Variants in SLF1 observed in about 807,000 individuals in gnomAD.
The protein encoded by SLF1 is SMC5/6 complex localization factor 1, also known as SMC5-SMC6 complex localization factor protein 1.
Under a neutral mutation model 123.0 loss-of-function variants are expected in SLF1, and 105 were observed. The observed-to-expected ratio is 0.85, with a 90% CI of 0.73 to 1.00. The LOEUF (loss-of-function observed/expected upper bound fraction) is 1.00. Among genes scored for constraint, SLF1 ranks in the 50% least tolerant of loss-of-function variants. The pLI is 0.00. For missense variants in SLF1, 1,239 were observed against 1,223.0 expected (o/e 1.01, Z -0.20); for synonymous variants, 434 against 406.6 (o/e 1.07, Z -0.81).
chr5:94,625,600 C>G (rs1792167093), intron 1 of SLF1, among the ~76,000 whole-genome samples: 1 of 152,002 alleles, frequency 6.6e-6, no homozygotes, highest in South Asian at 2.1e-4. Context: ...CCAGGCTGGT[C>G]TCGAACTCCT....
intron 9 of SLF1, among the ~76,000 whole-genome samples, chr5:94,655,178 T>C (rs1748229466): frequency 6.6e-6 from 1 of 152,204 alleles, no homozygotes; most frequent in Admixed American, 6.5e-5. Flanking sequence ...CCCAACATCA[T>C]TTATTGAAGA....
intron 20 of SLF1, among the ~76,000 whole-genome samples, chr5:94,693,411 T>G (rs995225286): frequency 2.0e-5 from 3 of 152,094 alleles, no homozygotes; most frequent in African/African-American, 7.2e-5. Flanking sequence ...GGAGCCATTA[T>G]TGTATTAGGT....
At chr5:94,676,438 G>A (rs901509454) in intron 14 of SLF1, among the ~76,000 whole-genome samples, 1 of 152,164 alleles carries the variant, frequency 6.6e-6, no homozygotes, top group African/African-American at 2.4e-5. Flanking sequence ...GGTTTCCCAT[G>A]CCATATAGCC....
chr5:94,630,664 A>T lies in SLF1; in HGVS notation c.352A>T (p.Thr118Ser). ...PKRWREELKR[T>S]GAPGAFHRWK... ...AAGATGGCGTGAAGAACTGAAACGC[A>T]CTGGTGCTCCAGGAGCCTTCCACAG... is the stretch of plus-strand genomic sequence containing the variant. The change falls in exon 4 of 21, where the codon ACT becomes TCT. Residue 118 changes from threonine to serine, a missense_variant. Coordinates refer to ENST00000265140, the MANE Select transcript of SLF1 (RefSeq NM_032290.4). 6.4e-7 allele frequency: 1 copy of T among 1,551,628 alleles called. No homozygotes were observed. Among genetic ancestry groups the T allele is most frequent in the East Asian group, 2.4e-5 (1 of 40,928 alleles).
intron 4 of SLF1, among the ~76,000 whole-genome samples, chr5:94,640,516 G>A (rs1314360401): frequency 6.6e-6 from 1 of 152,036 alleles, no homozygotes; most frequent in Non-Finnish European, 1.5e-5. Context: ...CTGAGCTTGT[G>A]TATGTGGAGT....
In SLF1 at chr5:94,696,360, A is replaced by G. The variant is rs1005594282; in HGVS notation, c.*1048A>G. On this transcript the variant is annotated 3_prime_UTR_variant, in exon 21 of 21. Coordinates refer to ENST00000265140, the MANE Select transcript of SLF1 (RefSeq NM_032290.4). Reference sequence around the variant, plus strand: ...TATTTTGGAAATAGATATTTTAACAAGATACAAATGCTCAGTATCATATTA... The same window carrying G: ...TATTTTGGAAATAGATATTTTAACAGGATACAAATGCTCAGTATCATATTA... 6.6e-6 allele frequency: 1 copy of G among 151,698 alleles called. No homozygotes were observed. The highest frequency in any genetic ancestry group is 2.4e-5 in the African/African-American group (1 of 41,258). The allele number at this position is 151,698 out of a possible 1,614,324, so 9.4% of individuals were successfully genotyped here.
intron 4 of SLF1, among the ~76,000 whole-genome samples, chr5:94,641,384 CT>C (rs1406544556): frequency 6.6e-6 from 1 of 152,156 alleles, no homozygotes; most frequent in Non-Finnish European, 1.5e-5. Context: ...TCATCAGATG[CT>C]CTTGGAGTTC....
chr5:94,675,932 T>C (rs1458506182), intron 14 of SLF1, among the ~76,000 whole-genome samples: 1 of 148,516 alleles, frequency 6.7e-6, no homozygotes, highest in Admixed American at 6.7e-5. Flanking sequence ...TTTTTAAATG[T>C]TGTTTTTGGT....
intron 15 of SLF1, among the ~76,000 whole-genome samples, chr5:94,685,944 G>A (rs1298005992): frequency 6.6e-6 from 1 of 151,664 alleles, no homozygotes; most frequent in Admixed American, 6.6e-5. Flanking sequence ...ACATGCTCCT[G>A]TTTCATGTTT....
chr5:94,678,275 G>T (rs1396864642), intron 14 of SLF1: 2 of 152,126 alleles, frequency 1.3e-5, no homozygotes, highest in Non-Finnish European at 2.9e-5. Flanking sequence ...ATTAGTATTT[G>T]ATATATAATT....
At chr5:94,672,284 T>C (rs951958207) in intron 14 of SLF1, among the ~76,000 whole-genome samples, 2 of 152,172 alleles carry the variant, frequency 1.3e-5, no homozygotes, top group Admixed American at 1.3e-4. Flanking sequence ...CAAACTACCA[T>C]GAAGTCTATT....
intron 4 of SLF1, among the ~76,000 whole-genome samples, chr5:94,636,274 T>A (rs927826662): frequency 5.9e-5 from 9 of 152,220 alleles, no homozygotes; most frequent in Non-Finnish European, 1.2e-4. Flanking sequence ...TCCTTTGGGT[T>A]AAATTTGATT....
chr5:94,641,472 A>G (rs907206879), intron 4 of SLF1, among the ~76,000 whole-genome samples: 1 of 152,196 alleles, frequency 6.6e-6, no homozygotes. Context: ...AGCAGAAAAC[A>G]ACAAGACAGC....
intron 4 of SLF1, among the ~76,000 whole-genome samples, chr5:94,636,276 A>C (rs1381396454): frequency 6.6e-6 from 1 of 152,142 alleles, no homozygotes; most frequent in Non-Finnish European, 1.5e-5. Context: ...CTTTGGGTTA[A>C]ATTTGATTAG....
intron 14 of SLF1, among the ~76,000 whole-genome samples, chr5:94,675,787 A>G (rs1420646068): frequency 6.6e-6 from 1 of 152,160 alleles, no homozygotes; most frequent in Admixed American, 6.5e-5. Context: ...TCTTCTGTTT[A>G]ATAACATTAA....
intron 4 of SLF1, among the ~76,000 whole-genome samples, chr5:94,636,042 G>T (rs1355206651): frequency 6.6e-6 from 1 of 152,100 alleles, no homozygotes; most frequent in Non-Finnish European, 1.5e-5. Context: ...TATTTCCGAA[G>T]AACAGTTTAG....
intron 6 of SLF1, 78 bp from the exon 7 acceptor site, chr5:94,651,619 TTTTTC>T: frequency 8.5e-7 from 1 of 1,182,934 alleles, no homozygotes; most frequent in South Asian, 1.8e-5. Flanking sequence ...CCTGGATGGG[TTTTTC>T]TTTTGTGACT....
At chr5:94,653,687 CTA>C (rs1748023846) in intron 8 of SLF1, among the ~76,000 whole-genome samples, 1 of 152,120 alleles carries the variant, frequency 6.6e-6, no homozygotes, top group East Asian at 1.9e-4. Context: ...CTGGAAAAGA[CTA>C]TTTCTTAAAA....
chr5:94,658,400 G>T (rs578003045), intron 9 of SLF1, among the ~76,000 whole-genome samples: 3 of 151,352 alleles, frequency 2.0e-5, no homozygotes, highest in East Asian at 1.9e-4. Context: ...GGTTTTCTGG[G>T]TATAATATTC....
Sources: gnomAD v4.1 joint callset for allele counts (sites outside exome capture counted in the v4.1 genomes callset) on GRCh38, gnomAD v4.1.1 for gene constraint, MANE v1.5 for transcripts, NCBI Gene and HGNC (gene_info 2026-07-23, HGNC 2026-07-21) for gene names.